The following BTG4 variants were observed in gnomAD, a reference collection of about 807,000 sequenced individuals.
BTG4 encodes the protein BTG anti-proliferation factor 4.
BTG4 carries 10 observed loss-of-function variants against 19.3 expected under a neutral mutation model. That is an observed-to-expected ratio of 0.52 (90% confidence interval 0.32 to 0.88). The LOEUF (loss-of-function observed/expected upper bound fraction) is 0.88, where lower values mean the gene tolerates loss of function less well. BTG4 is among the 40% of genes least tolerant of loss of function. The probability of loss-of-function intolerance (pLI) is 0.04; values close to 1 mark genes in which losing one functional copy is unlikely to be tolerated. For synonymous variants in BTG4, 91 were observed against 95.7 expected (o/e 0.95, Z 0.29); for missense variants, 238 against 281.9 (o/e 0.84, Z 1.11).
chr11:111,439,697 C>T, the BTG4 span, among the ~76,000 whole-genome samples: 1 of 152,116 alleles, frequency 6.6e-6, no homozygotes, highest in Non-Finnish European at 1.5e-5. Flanking sequence ...GAGGCCATTC[C>T]TAGGTCAGTT....
chr11:111,497,273 C>G lies in BTG4; in HGVS notation c.448G>C (p.Glu150Gln). 1.9e-6 allele frequency: 3 copies of G among 1,612,540 alleles called. No homozygotes were observed. The highest frequency in any genetic ancestry group is 2.5e-6 in the Non-Finnish European group (3 of 1,179,412). ...ACACGAGGTTCCTTGCTACAACTTT[C>G]TTCATCGCAGGAAGTGCCAGAGGAA... The part of the protein sequence containing the change: ...DVSSGTSCDE[E>Q]SCSKEPRVIP... Residue 150 changes from glutamate (E) to glutamine (Q), a missense_variant, in exon 4 of 5, where the codon GAA becomes CAA. Coordinates refer to ENST00000692032, the MANE Select transcript of BTG4 (RefSeq NM_001367975.1).
the BTG4 span, among the ~76,000 whole-genome samples, chr11:111,392,263 T>C: frequency 9.8e-5 from 14 of 143,212 alleles, no homozygotes; most frequent in Non-Finnish European, 2.1e-4. Flanking sequence ...CTGCAAGCTC[T>C]GCCTCCCGGG....
chr11:111,494,828 G>A lies in BTG4; in HGVS notation c.*307C>T. On this transcript the variant is annotated 3_prime_UTR_variant, in exon 5 of 5. Transcript: ENST00000692032. ...TGAACTAAGAAGTATTAAAAACACT[G>A]TACGTTTATTTAAACCATTACTTTT... 1 of 926,048 alleles carries A rather than the reference G, an allele frequency of 1.1e-6. No individual in the cohort carries two copies. The highest frequency in any genetic ancestry group is 1.3e-6 in the Non-Finnish European group (1 of 775,776). The allele number at this position is 926,048 out of a possible 1,614,324, so 57.4% of individuals were successfully genotyped here.
At chr11:111,449,001 G>A in the BTG4 span, among the ~76,000 whole-genome samples, 13 of 152,124 alleles carry the variant, frequency 8.5e-5, no homozygotes, top group East Asian at 2.1e-3. Flanking sequence ...TTTTTGCCAC[G>A]ATCACTTCCA....
chr11:111,495,291 A>T lies in BTG4; in HGVS notation c.534T>A (p.Phe178Leu). ...IYQVENLKQP[F>L]QSWLQIPRKK... ...TGCGGGGGATTTGTAACCAAGATTG[A>T]AAGGGCTGTTTCAAGTTTTCAACCT... Residue 178 changes from phenylalanine to leucine, a missense_variant, in exon 5 of 5, where the codon TTT (phenylalanine) becomes TTA (leucine). Transcript: ENST00000692032. The T allele has an allele frequency of 1.9e-6, 3 of 1,611,916 alleles. No homozygotes were observed. Among genetic ancestry groups the T allele is most frequent in the Non-Finnish European group, 2.5e-6 (3 of 1,179,302 alleles).
the BTG4 span, among the ~76,000 whole-genome samples, chr11:111,460,930 C>T: frequency 6.6e-6 from 1 of 152,198 alleles, no homozygotes; most frequent in African/African-American, 2.4e-5. Context: ...TTACCTCTCC[C>T]CCTGTCTCTC....
chr11:111,404,089 T>C, the BTG4 span, among the ~76,000 whole-genome samples: 1 of 152,162 alleles, frequency 6.6e-6, no homozygotes, highest in Admixed American at 6.5e-5. Flanking sequence ...TTTCCTATGC[T>C]GTTCTCATGA....
the BTG4 span, chr11:111,400,940 T>A: frequency 2.0e-5 from 3 of 151,110 alleles, no homozygotes; most frequent in African/African-American, 7.3e-5. Flanking sequence ...TTACCAGTAC[T>A]CTTCAAAACT....
the BTG4 span, among the ~76,000 whole-genome samples, chr11:111,441,122 T>A: frequency 6.6e-6 from 1 of 151,632 alleles, no homozygotes; most frequent in Non-Finnish European, 1.5e-5. Flanking sequence ...TTTCTTTTTT[T>A]TTTTTTTCAC....
intron 1 of BTG4, among the ~76,000 whole-genome samples, chr11:111,505,226 G>A (rs1218895243): frequency 1.3e-5 from 2 of 151,970 alleles, no homozygotes; most frequent in African/African-American, 4.8e-5. Flanking sequence ...ATACTACAAG[G>A]CTATAGTAAC....
the BTG4 span, chr11:111,417,670 T>A: frequency 6.6e-6 from 1 of 152,206 alleles, no homozygotes; most frequent in African/African-American, 2.4e-5. Context: ...CTAGGCACAA[T>A]TTGTTTTCAA....
chr11:111,477,270 T>C (rs140195757), intron 5 of BTG4, among the ~76,000 whole-genome samples: 1 of 152,264 alleles, frequency 6.6e-6, no homozygotes, highest in Non-Finnish European at 1.5e-5. Flanking sequence ...TGCGTTTTTA[T>C]TGCTGAATCA....
the BTG4 span, chr11:111,385,366 C>T: frequency 2.6e-5 from 4 of 152,054 alleles, no homozygotes; most frequent in African/African-American, 7.2e-5. Flanking sequence ...GAAGATTAAA[C>T]TCACCAATTA....
chr11:111,411,904 A>G, the BTG4 span, among the ~76,000 whole-genome samples: 105,135 of 152,038 alleles, frequency 0.69, 36,509 homozygotes, highest in South Asian at 0.74. Context: ...TGAGGGAATC[A>G]TGAAGGTATG....
chr11:111,416,696 C>T, the BTG4 span: 1 of 152,178 alleles, frequency 6.6e-6, no homozygotes, highest in Non-Finnish European at 1.5e-5. Context: ...ATTCTGGCTC[C>T]ACCGCCTACC....
chr11:111,456,473 C>CCCCA, the BTG4 span: 2 of 455,458 alleles, frequency 4.4e-6, no homozygotes, highest in South Asian at 3.1e-5. The surrounding 1 kb of genome is among the most constrained non-coding windows in gnomAD (Gnocchi z 4.2). Flanking sequence ...TCCCACCGGC[C>CCCCA]CCCAGCCCAG....
chr11:111,463,898 A>G (rs1863564790), downstream of BTG4, among the ~76,000 whole-genome samples: 1 of 152,208 alleles, frequency 6.6e-6, no homozygotes, highest in African/African-American at 2.4e-5. Context: ...GGCCAGAGAC[A>G]ACAATTCCTG....
chr11:111,476,002 C>T (rs2135551212), intron 5 of BTG4, among the ~76,000 whole-genome samples: 1 of 152,104 alleles, frequency 6.6e-6, no homozygotes, highest in East Asian at 1.9e-4. Flanking sequence ...AAACCACCCC[C>T]CATGATTCAA....
chr11:111,445,389 G>A, the BTG4 span, among the ~76,000 whole-genome samples: 40 of 152,260 alleles, frequency 2.6e-4, no homozygotes, highest in Middle Eastern at 3.4e-3. Flanking sequence ...ATTGTGTATC[G>A]TGCCAACAGG....
Sources: allele counts gnomAD v4.1 joint callset (sites outside exome capture counted in the v4.1 genomes callset), GRCh38; gene constraint gnomAD v4.1.1; non-coding constraint Gnocchi (gnomAD v3.1); transcripts MANE v1.5; gene names NCBI Gene and HGNC (gene_info 2026-07-23, HGNC 2026-07-21).